Variants in CACNA1S observed in about 807,000 individuals in gnomAD.
The protein encoded by CACNA1S is calcium voltage-gated channel subunit alpha1 S.
CACNA1S carries 126 observed loss-of-function variants against 207.4 expected under a neutral mutation model. The ratio of observed to expected loss-of-function variants is 0.61; its 90% CI spans 0.53 to 0.70. CACNA1S has a LOEUF of 0.70. CACNA1S is among the 30% of genes least tolerant of loss of function. The pLI is 0.00. For missense variants in CACNA1S, 2,349 were observed against 2,422.8 expected, an observed-to-expected ratio of 0.97 and a Z score of 0.64; for synonymous variants, 960 against 932.7, an observed-to-expected ratio of 1.03 and a Z score of -0.53.
At position 201,053,292 on chromosome 1, in the gene CACNA1S, G is replaced by T; in HGVS notation, c.3796-18C>A. 1.2e-6 allele frequency: 2 copies of T among 1,612,768 alleles called. No individual in the cohort carries two copies. Among genetic ancestry groups the T allele is most frequent in the Non-Finnish European group, 1.7e-6 (2 of 1,179,586 alleles). ...GGTAGGGCCTGCAGGGCGGGCGGGA[G>T]CGCCAGTCAGTGTCTTAGGGCTCCA... On this transcript the variant is annotated intron_variant, in intron 30 of 43. Coordinates refer to ENST00000362061, the MANE Select transcript of CACNA1S (RefSeq NM_000069.3). This position sits in a 1 kb window ranked among gnomAD's most constrained non-coding sequence, Gnocchi z 5.1.
In CACNA1S at chr1:201,089,245, G is replaced by A. The variant is rs1048951284; in HGVS notation, c.900+13C>T. 6.8e-6 allele frequency: 11 copies of A among 1,613,118 alleles called. No individual in the cohort carries two copies. Among genetic ancestry groups the A allele is most frequent in the African/African-American group, 2.7e-5 (2 of 74,936 alleles). On this transcript the variant is annotated intron_variant, in intron 6 of 43. Coordinates refer to ENST00000362061, the MANE Select transcript of CACNA1S (RefSeq NM_000069.3). ...GAAGGGAGATGGTTCTGCAGGCGCG[G>A]GCCCAGACCCACCCAGTAAAGGACG... is the stretch of plus-strand genomic sequence containing the variant.
At chr1:201,083,686 G>C (rs987099913) in intron 9 of CACNA1S, among the ~76,000 whole-genome samples, 8 of 152,208 alleles carry the variant, frequency 5.3e-5, no homozygotes, top group Admixed American at 2.6e-4. Flanking sequence ...AATAATATCT[G>C]GGGAGGGTGA....
intron 26 of CACNA1S, among the ~76,000 whole-genome samples, chr1:201,060,011 C>A (rs1660984737): frequency 6.6e-6 from 1 of 152,228 alleles, no homozygotes; most frequent in Admixed American, 6.5e-5. Context: ...TGCTGCCTGA[C>A]TCAGCCCCAA....
chr1:201,083,333 G>A lies in CACNA1S; in HGVS notation c.1233-11C>T. 6.2e-7 allele frequency: 1 copy of A among 1,613,986 alleles called. No individual in the cohort carries two copies. The highest frequency in any genetic ancestry group is 1.1e-5 in the South Asian group (1 of 91,074). On this transcript the variant is annotated splice_polypyrimidine_tract_variant and intron_variant, in intron 9 of 43. Transcript: ENST00000362061. ...TGCCTCCAATGTCGGCTGAGGGAGGGGACAGAGGATGGTCTACAGTGCTGT... is the reference window on the plus strand; with the variant it reads ...TGCCTCCAATGTCGGCTGAGGGAGGAGACAGAGGATGGTCTACAGTGCTGT...
chr1:201,061,927 C>T lies in CACNA1S; in HGVS notation c.3053+17G>A. The T allele has an allele frequency of 6.2e-7, 1 of 1,613,980 alleles. No homozygotes were observed. The highest frequency in any genetic ancestry group is 1.1e-5 in the South Asian group (1 of 91,078). On this transcript the variant is annotated intron_variant, in intron 24 of 43. Transcript: ENST00000362061. Reference sequence around the variant, plus strand: ...TGACCATGTCCATGAGGGACCTAGGCCCCAGCCATCACTCACTGAGGCCAT... The same window carrying T: ...TGACCATGTCCATGAGGGACCTAGGTCCCAGCCATCACTCACTGAGGCCAT...
Position 201,047,636 on chromosome 1 carries a change from G to A in CACNA1S, c.4442-10C>T. 2 of 1,608,070 alleles carry A rather than the reference G, an allele frequency of 1.2e-6. No individual in the cohort carries two copies. Among genetic ancestry groups the A allele is most frequent in the Non-Finnish European group, 1.7e-6 (2 of 1,174,514 alleles). On this transcript the variant is annotated splice_polypyrimidine_tract_variant and intron_variant, in intron 36 of 43. Coordinates refer to ENST00000362061, the MANE Select transcript of CACNA1S (RefSeq NM_000069.3). ...GCCTGCTCAAAGTTACCTGGAGCAG[G>A]AGAAAGGCAAAAGTTACCCAGATCA...
chr1:201,066,298 C>T lies in CACNA1S; in HGVS notation c.2676G>A (p.Val892=), dbSNP rs1234029225. 1.2e-6 allele frequency: 2 copies of T among 1,612,212 alleles called. No homozygotes were observed. The highest frequency in any genetic ancestry group is 1.7e-6 in the Non-Finnish European group (2 of 1,179,978). Residue 892 remains valine (V), a synonymous_variant, in exon 21 of 44, where the codon GTG becomes GTA. Coordinates refer to ENST00000362061, the MANE Select transcript of CACNA1S (RefSeq NM_000069.3). The surrounding 1 kb of genome is among the most constrained non-coding windows in gnomAD (Gnocchi z 4.3). ...SMGLESSAIS[V]VKILRVLRVL... is the part of the protein sequence containing the mutation. Reference sequence around the variant, plus strand: ...CCCTCAGCACCCTCAGGATCTTCACCACGGAGATGGCACTGGACCTGGGGG... The same window carrying T: ...CCCTCAGCACCCTCAGGATCTTCACTACGGAGATGGCACTGGACCTGGGGG...
rs967102717 is a variant in CACNA1S at position 201,066,657 on chromosome 1, C to A, written c.2657+230G>T. Among the ~76,000 whole-genome samples, 1 of 152,212 alleles carries A rather than the reference C, an allele frequency of 6.6e-6. No homozygotes were observed. Among genetic ancestry groups the A allele is most frequent in the Admixed American group, 6.5e-5 (1 of 15,290 alleles). ...GTCGGGGAGGGAGGGACCACTTCCT[C>A]CTCTCTGCATCTCCTGCCAGTCTCT... On this transcript the variant is annotated intron_variant, in intron 20 of 43. Transcript: ENST00000362061. The surrounding 1 kb of genome is among the most constrained non-coding windows in gnomAD (Gnocchi z 4.3).
chr1:201,112,156 C>A (rs528549029), intron 1 of CACNA1S, 32 bp downstream of exon 1: 3 of 860,304 alleles, frequency 3.5e-6, no homozygotes, highest in East Asian at 4.2e-5. Flanking sequence ...ATGACGCACA[C>A]CCCCCCCCAC....
intron 12 of CACNA1S, among the ~76,000 whole-genome samples, chr1:201,076,276 G>A (rs1661617729): frequency 6.6e-6 from 1 of 152,220 alleles, no homozygotes; most frequent in Non-Finnish European, 1.5e-5. Context: ...GGCCTGACCA[G>A]CCAGTGGGGC....
Position 201,111,515 on chromosome 1 carries a change from C to A in CACNA1S, c.152+673G>T, listed in dbSNP as rs565019869. Among the ~76,000 whole-genome samples, 19 of 152,234 alleles carry A rather than the reference C, an allele frequency of 1.2e-4. 1 individual carries two copies. In the South Asian group the frequency reaches 3.9e-3, roughly 32 times the overall value. On this transcript the variant is annotated intron_variant, in intron 1 of 43. Transcript: ENST00000362061. ...CCAGGGTGGCACGTCTGAGCTAGAA[C>A]AACCAGGCTTGTTTGGCCTGTGTCT...
Position 201,053,618 on chromosome 1 carries a change from G to C in CACNA1S, c.3667-31C>G. 1.9e-6 allele frequency: 3 copies of C among 1,612,284 alleles called. No homozygotes were observed. Among genetic ancestry groups the C allele is most frequent in the South Asian group, 2.2e-5 (2 of 91,022 alleles). On this transcript the variant is annotated intron_variant, in intron 29 of 43. Transcript: ENST00000362061. This position sits in a 1 kb window ranked among gnomAD's most constrained non-coding sequence, Gnocchi z 5.1. ...GGGCAGCAGCCCCAGAGGTCAGTCTGGGGGCAGAACCTCAGAGGGGTAAGG... is the reference window on the plus strand; with the variant it reads ...GGGCAGCAGCCCCAGAGGTCAGTCTCGGGGCAGAACCTCAGAGGGGTAAGG...
intron 23 of CACNA1S, 52 bp from the exon 24 acceptor site, chr1:201,062,142 C>T (rs762607552): frequency 1.9e-5 from 31 of 1,597,586 alleles, no homozygotes; most frequent in Non-Finnish European, 2.2e-5. Flanking sequence ...GCTGCCTTGC[C>T]CCACCCACAT....
In CACNA1S at chr1:201,066,847, G is replaced by A; in HGVS notation, c.2657+40C>T. On this transcript the variant is annotated intron_variant, in intron 20 of 43. Transcript: ENST00000362061. The surrounding 1 kb of genome is among the most constrained non-coding windows in gnomAD (Gnocchi z 4.3). ...CTACAAAGCCCTGGCACAGAGCAGA[G>A]GGTGGTCTGTGCCCAGGGCTGGCCC... The A allele has an allele frequency of 7.0e-7, 1 of 1,433,282 alleles. No individual in the cohort carries two copies. The highest frequency in any genetic ancestry group is 9.8e-7 in the Non-Finnish European group (1 of 1,017,430). The allele number at this position is 1,433,282 out of a possible 1,614,324, so 88.8% of individuals were successfully genotyped here.
rs567376955 is a variant in CACNA1S at position 201,072,649 on chromosome 1, G to A, written c.2227+106C>T. 2.6e-3 allele frequency: 2,148 copies of A among 824,276 alleles called. 5 individuals are homozygous for A. The highest frequency in any genetic ancestry group is 3.9e-3 in the Non-Finnish European group (1,795 of 465,560). 51.1% of individuals were successfully genotyped at this position (824,276 alleles called of 1,614,324 possible). ...GGTGTTCTGATCTCCACATGGAGGG[G>A]TACAGGTAGGGACACACAAGAGACT... On this transcript the variant is annotated intron_variant, in intron 16 of 43. Transcript: ENST00000362061.
intron 7 of CACNA1S, among the ~76,000 whole-genome samples, chr1:201,087,139 C>A (rs1341975982): frequency 6.6e-6 from 1 of 152,070 alleles, no homozygotes; most frequent in Non-Finnish European, 1.5e-5. Flanking sequence ...GAGAACAGCT[C>A]TCATTAATAA....
intron 19 of CACNA1S, among the ~76,000 whole-genome samples, chr1:201,068,847 G>A (rs1017803420): frequency 3.9e-5 from 6 of 152,092 alleles, no homozygotes; most frequent in Non-Finnish European, 7.3e-5. Context: ...ACTCCAGCCT[G>A]GTGACAGAGT....
rs1158348726 is a variant in CACNA1S at position 201,066,253 on chromosome 1, G to C, written c.2721C>G (p.Ala907=). The C allele has an allele frequency of 6.2e-7, 1 of 1,613,752 alleles. No individual in the cohort carries two copies. The highest frequency in any genetic ancestry group is 1.3e-5 in the African/African-American group (1 of 74,988). Residue 907 remains alanine, a synonymous_variant, in exon 21 of 44, where the codon GCC becomes GCG. Transcript: ENST00000362061. The surrounding 1 kb of genome is among the most constrained non-coding windows in gnomAD (Gnocchi z 4.3). Reference sequence around the variant, plus strand: ...CCTTCAACCCCTTGGCTCTGTTGATGGCTCTGAGTGGTCGGAGCACCCTCA... The same window carrying C: ...CCTTCAACCCCTTGGCTCTGTTGATCGCTCTGAGTGGTCGGAGCACCCTCA... ...RVLRVLRPLR[A]INRAKGLKHV... is the part of the protein sequence containing the mutation.
At chr1:201,077,833 G>A (rs201833800) in intron 11 of CACNA1S, 46 bp downstream of exon 11, 3 of 1,373,642 alleles carry the variant, frequency 2.2e-6, no homozygotes, top group African/African-American at 2.8e-5. Context: ...ACCAGCCCGT[G>A]GTGCCTGCCG....
Sources: allele counts gnomAD v4.1 joint callset (sites outside exome capture counted in the v4.1 genomes callset), GRCh38; gene constraint gnomAD v4.1.1; non-coding constraint Gnocchi (gnomAD v3.1); transcripts MANE v1.5; gene names NCBI Gene and HGNC (gene_info 2026-07-23, HGNC 2026-07-21).